Variants in CILP observed in about 807,000 individuals in gnomAD.
The protein encoded by CILP is cartilage intermediate layer protein 1.
In CILP, 75 loss-of-function variants were observed where a neutral mutation model predicts 82.5. The ratio of observed to expected loss-of-function variants is 0.91; its 90% CI spans 0.75 to 1.10. The LOEUF (loss-of-function observed/expected upper bound fraction) is 1.10. CILP is among the 50% of genes least tolerant of loss of function. The probability of loss-of-function intolerance (pLI) is 0.00; values close to 1 mark genes in which losing one functional copy is unlikely to be tolerated. For missense variants in CILP, 1,479 were observed against 1,530.8 expected (o/e 0.97, Z 0.56); for synonymous variants, 530 against 580.3 (o/e 0.91, Z 1.25).
At chr15:65,206,659 C>T (rs561322445) in intron 4 of CILP, 123 bp downstream of exon 4, 11 of 1,074,168 alleles carry the variant, frequency 1.0e-5, no homozygotes, top group South Asian at 1.5e-5. Context: ...GTTATTATTA[C>T]AGAGTCCAAG....
At chr15:65,206,675 G>T (rs555825960) in intron 4 of CILP, 107 bp downstream of exon 4, 2 of 1,208,678 alleles carry the variant, frequency 1.7e-6, no homozygotes, top group Non-Finnish European at 2.3e-6. Context: ...CCAAGCATAC[G>T]CATGTGTGTG....
intron 8 of CILP, among the ~76,000 whole-genome samples, chr15:65,200,843 T>C (rs77065173): frequency 0.014 from 2,188 of 152,344 alleles, 45 homozygotes; most frequent in African/African-American, 0.043. Flanking sequence ...AGTCAGGTCA[T>C]ACCAATGGGC....
chr15:65,196,840 C>G lies in CILP; in HGVS notation c.3446G>C (p.Arg1149Thr), dbSNP rs1417103534. ...TCGCTGCTGCCTCCTCGAGGGCACT[C>G]TTCCTTGGACAGTGCCTGCAGCAGG... is the stretch of plus-strand genomic sequence containing the variant. ...QSPAAGTVQG[R>T]VPSRRQQRAS... The change falls in exon 9 of 9, where the codon AGA (arginine) becomes ACA (threonine). Residue 1149 changes from arginine (R) to threonine (T), a missense_variant. Arg to Thr is a moderately conservative substitution (Grantham distance 71). Coordinates refer to ENST00000261883, the MANE Select transcript of CILP (RefSeq NM_003613.4). 30 of 1,612,838 alleles carry G rather than the reference C, an allele frequency of 1.9e-5. No individual in the cohort carries two copies. Among genetic ancestry groups the G allele is most frequent in the African/African-American group, 2.7e-5 (2 of 74,918 alleles).
chr15:65,198,357 G>A lies in CILP; in HGVS notation c.1929C>T (p.Asn643=), dbSNP rs1186032864. ...STATAAQTDL[N]FINDEGDTFP... is the part of the protein sequence containing the mutation. Reference sequence around the variant, plus strand: ...AAGTGTCTCCTTCGTCATTGATGAAGTTCAGGTCAGTCTGGGCAGCTGTGG... The same window carrying A: ...AAGTGTCTCCTTCGTCATTGATGAAATTCAGGTCAGTCTGGGCAGCTGTGG... The change falls in exon 9 of 9, where the codon AAC becomes AAT. Residue 643 remains asparagine (N), a synonymous_variant. Coordinates refer to ENST00000261883, the MANE Select transcript of CILP (RefSeq NM_003613.4). 1.9e-6 allele frequency: 3 copies of A among 1,614,112 alleles called. No individual in the cohort carries two copies. Among genetic ancestry groups the A allele is most frequent in the East Asian group, 4.5e-5 (2 of 44,892 alleles).
rs2088366244 is a variant in CILP at position 65,196,759 on chromosome 15, C to G, written c.3527G>C (p.Arg1176Thr). ...GTTGATCAGGGGCTGTTGAGCAACT[C>G]TAGGAAATCTCAGAGAGGCCACCAC... is the stretch of plus-strand genomic sequence containing the variant. The part of the protein sequence containing the change: ...GGVVASLRFP[R>T]VAQQPLIN The change falls in exon 9 of 9, where the codon AGA becomes ACA. Residue 1176 changes from arginine (R) to threonine (T), a missense_variant. Physicochemically the swap from Arg to Thr is moderately conservative, Grantham distance 71. Transcript: ENST00000261883. 6.4e-7 allele frequency: 1 copy of G among 1,562,324 alleles called. No homozygotes were observed.
At chr15:65,204,888 A>G (rs915546063) in intron 5 of CILP, among the ~76,000 whole-genome samples, 2 of 152,086 alleles carry the variant, frequency 1.3e-5, no homozygotes, top group African/African-American at 4.8e-5. Context: ...GCATGGTGAC[A>G]CGCACCTGTA....
Position 65,196,642 on chromosome 15 carries a change from C to T in CILP, c.*89G>A, listed in dbSNP as rs1200666628. ...AAGCAAATTCACGAAAACAGAAGTG[C>T]TTAAATTAACCAAGTGACAGTTTGT... On this transcript the variant is annotated 3_prime_UTR_variant, in exon 9 of 9. Transcript: ENST00000261883. 7 of 1,204,216 alleles carry T rather than the reference C, an allele frequency of 5.8e-6. No individual in the cohort carries two copies. Among genetic ancestry groups the T allele is most frequent in the Non-Finnish European group, 8.1e-6 (7 of 868,932 alleles). The allele number at this position is 1,204,216 out of a possible 1,614,324, so 74.6% of individuals were successfully genotyped here. A position where few individuals can be genotyped will look rare whatever the true frequency, so the allele number is the denominator to read the frequency against.
rs201371733 is a variant in CILP at position 65,209,801 on chromosome 15, G to A, written c.-46C>T. 3.7e-5 allele frequency: 58 copies of A among 1,568,796 alleles called. No individual in the cohort carries two copies. The African/African-American group carries it at 6.9e-4, about 19-fold the overall frequency. On this transcript the variant is annotated 5_prime_UTR_variant, in exon 2 of 9. Transcript: ENST00000261883. ...AACGTGGCAAGAGGTAGATGTGGGT[G>A]CTTCACAGAGTCACTGACTCTGGAA...
At position 65,204,484 on chromosome 15, in the gene CILP, C is replaced by T. The variant is rs1316286387; in HGVS notation, c.703G>A (p.Gly235Ser). ...ATAGCAGCCCCTGAGGCTGGGGCACCTCCGGGAAGGGAGACAGCCCCATGA... is the reference window on the plus strand; with the variant it reads ...ATAGCAGCCCCTGAGGCTGGGGCACTTCCGGGAAGGGAGACAGCCCCATGA... The part of the protein sequence containing the change: ...MLHGAVSLPG[G>S]APASGAAIYL... The change falls in exon 6 of 9, where the codon GGT becomes AGT. Residue 235 changes from glycine (G) to serine (S), a missense_variant. Coordinates refer to ENST00000261883, the MANE Select transcript of CILP (RefSeq NM_003613.4). The T allele has an allele frequency of 1.2e-6, 2 of 1,613,880 alleles. No individual in the cohort carries two copies. The highest frequency in any genetic ancestry group is 2.7e-5 in the African/African-American group (2 of 74,928).
At position 65,197,736 on chromosome 15, in the gene CILP, A is replaced by G. The variant is rs769677453; in HGVS notation, c.2550T>C (p.Pro850=). 4 of 1,612,540 alleles carry G rather than the reference A, an allele frequency of 2.5e-6. No homozygotes were observed. The South Asian group carries it at 4.4e-5, about 18-fold the overall frequency. ...PKFNPNAIGV[P]QPYLNKLNYR... is the part of the protein sequence containing the mutation. ...AGTTGAGCTTGTTGAGATAGGGCTG[A>G]GGGACGCCAATTGCATTTGGGTTGA... The change falls in exon 9 of 9, where the codon CCT becomes CCC. Residue 850 remains proline, a synonymous_variant. Transcript: ENST00000261883.
At chr15:65,206,070 GTA>G (rs1426482607) in intron 4 of CILP, among the ~76,000 whole-genome samples, 2 of 152,152 alleles carry the variant, frequency 1.3e-5, no homozygotes, top group Non-Finnish European at 2.9e-5. Flanking sequence ...CATAACATCT[GTA>G]TTATCCATGG....
chr15:65,197,722 T>C lies in CILP; in HGVS notation c.2564A>G (p.Asn855Ser). 1 of 1,612,838 alleles carries C rather than the reference T, an allele frequency of 6.2e-7. No individual in the cohort carries two copies. Among genetic ancestry groups the C allele is most frequent in the East Asian group, 2.2e-5 (1 of 44,874 alleles). Residue 855 changes from asparagine to serine, a missense_variant, in exon 9 of 9, where the codon AAC becomes AGC. Physicochemically the swap from Asn to Ser is conservative, Grantham distance 46 (BLOSUM62 1). Coordinates refer to ENST00000261883, the MANE Select transcript of CILP (RefSeq NM_003613.4). ...GTCCGTCCGACGGTAGTTGAGCTTG[T>C]TGAGATAGGGCTGAGGGACGCCAAT... ...NAIGVPQPYL[N>S]KLNYRRTDHE...
Position 65,207,061 on chromosome 15 carries a change from A to T in CILP, c.155-10T>A, listed in dbSNP as rs1172572829. ...GTCCACTCACCAGGGCCTGAGAGAC[A>T]TAGCCAAATTGCGGAGGAGCCGTGA... is the stretch of plus-strand genomic sequence containing the variant. On this transcript the variant is annotated splice_polypyrimidine_tract_variant and intron_variant, in intron 3 of 8. Transcript: ENST00000261883. The T allele has an allele frequency of 6.2e-7, 1 of 1,605,680 alleles. No individual in the cohort carries two copies. Among genetic ancestry groups the T allele is most frequent in the South Asian group, 1.1e-5 (1 of 90,956 alleles).
At position 65,194,889 on chromosome 15, in the gene CILP, G is replaced by GT. The variant is rs1280475796; in HGVS notation, c.*1841dup. Reference sequence around the variant, plus strand: ...CCCGACCCTCCCCCTCCCCCCGTGAGTTTGAAGTGAACTGGTGGTCAGGTT... The same window carrying GT: ...CCCGACCCTCCCCCTCCCCCCGTGAGTTTTGAAGTGAACTGGTGGTCAGGTT... On this transcript the variant is annotated 3_prime_UTR_variant, in exon 9 of 9. Coordinates refer to ENST00000261883, the MANE Select transcript of CILP (RefSeq NM_003613.4). 1 of 125,194 alleles carries GT rather than the reference G, an allele frequency of 8.0e-6. No individual in the cohort carries two copies. Among genetic ancestry groups the GT allele is most frequent in the East Asian group, 2.3e-4 (1 of 4,410 alleles). 7.8% of individuals were successfully genotyped at this position (125,194 alleles called of 1,614,324 possible). A position where few individuals can be genotyped will look rare whatever the true frequency, so the allele number is the denominator to read the frequency against.
chr15:65,195,392 C>G lies in CILP; in HGVS notation c.*1339G>C, dbSNP rs1013024747. On this transcript the variant is annotated 3_prime_UTR_variant, in exon 9 of 9. Transcript: ENST00000261883. ...AGTGAGTGCATCCTATCCAACCCCA[C>G]ACCCCACTACCCTGACTGTAATGCC... 3 of 152,282 alleles carry G rather than the reference C, an allele frequency of 2.0e-5. No homozygotes were observed. Among genetic ancestry groups the G allele is most frequent in the Admixed American group, 1.3e-4 (2 of 15,284 alleles). 9.4% of individuals were successfully genotyped at this position (152,282 alleles called of 1,614,324 possible). A position where few individuals can be genotyped will look rare whatever the true frequency, so the allele number is the denominator to read the frequency against.
chr15:65,198,979 G>C lies in CILP; in HGVS notation c.1307C>G (p.Thr436Ser). 6.2e-7 allele frequency: 1 copy of C among 1,613,274 alleles called. No homozygotes were observed. Among genetic ancestry groups the C allele is most frequent in the Middle Eastern group, 1.6e-4 (1 of 6,062 alleles). Residue 436 changes from threonine to serine, a missense_variant, in exon 9 of 9, where the codon ACT becomes AGT. Physicochemically the swap from Thr to Ser is moderately conservative, Grantham distance 58 (BLOSUM62 1). Coordinates refer to ENST00000261883, the MANE Select transcript of CILP (RefSeq NM_003613.4). ...CCCATTATCCTGCTGCCCTGCACAAGTCTTAACAGGGCAGCGTCCCACGTC... is the reference window on the plus strand; with the variant it reads ...CCCATTATCCTGCTGCCCTGCACAACTCTTAACAGGGCAGCGTCCCACGTC... ...YYDVGRCPVKTCAGQQDNGIR... is the reference protein window; with the variant it reads ...YYDVGRCPVKSCAGQQDNGIR...
intron 8 of CILP, among the ~76,000 whole-genome samples, chr15:65,201,480 T>G (rs1272316453): frequency 1.3e-5 from 2 of 151,544 alleles, no homozygotes; most frequent in Admixed American, 1.3e-4. Context: ...ATGCATGTAA[T>G]CCCAGCACTT....
At position 65,197,062 on chromosome 15, in the gene CILP, C is replaced by T. The variant is rs546229537; in HGVS notation, c.3224G>A (p.Gly1075Asp). Reference protein sequence around the residue: ...APLDPLGHNYGIYTVTDQDPR... With the variant: ...APLDPLGHNYDIYTVTDQDPR... ...GTCCTGGTCAGTGACAGTGTAGATG[C>T]CATAGTTGTGGCCCAGTGGGTCCAA... The change falls in exon 9 of 9, where the codon GGC becomes GAC. Residue 1075 changes from glycine to aspartate, a missense_variant. Physicochemically the swap from Gly to Asp is moderately conservative, Grantham distance 94 (BLOSUM62 -1). Transcript: ENST00000261883. 7.4e-6 allele frequency: 12 copies of T among 1,613,450 alleles called. No individual in the cohort carries two copies. In the East Asian group the frequency reaches 2.2e-4, roughly 30 times the overall value.
chr15:65,197,444 G>C lies in CILP; in HGVS notation c.2842C>G (p.Pro948Ala). 6.2e-7 allele frequency: 1 copy of C among 1,614,222 alleles called. No individual in the cohort carries two copies. Among genetic ancestry groups the C allele is most frequent in the South Asian group, 1.1e-5 (1 of 91,082 alleles). ...TEDYLAWWPK[P>A]MEFRACYIKV... is the part of the protein sequence containing the mutation. Reference sequence around the variant, plus strand: ...ATATAGCAGGCCCTGAATTCCATCGGCTTTGGCCACCATGCCAGATAGTCT... The same window carrying C: ...ATATAGCAGGCCCTGAATTCCATCGCCTTTGGCCACCATGCCAGATAGTCT... Residue 948 changes from proline (P) to alanine (A), a missense_variant, in exon 9 of 9, where the codon CCG becomes GCG. Transcript: ENST00000261883.
Sources: gnomAD v4.1 joint callset for allele counts (sites outside exome capture counted in the v4.1 genomes callset) on GRCh38, gnomAD v4.1.1 for gene constraint, MANE v1.5 for transcripts, NCBI Gene and HGNC (gene_info 2026-07-23, HGNC 2026-07-21) for gene names.